Variants in NAALADL2 observed in about 807,000 individuals in gnomAD.
NAALADL2 encodes N-acetylated alpha-linked acidic dipeptidase like 2.
A neutral mutation model predicts 87.2 loss-of-function variants in NAALADL2; 76 were observed. The observed-to-expected ratio is 0.87, with a 90% CI of 0.72 to 1.05. The LOEUF is 1.05. Among genes scored for constraint, NAALADL2 ranks in the 50% least tolerant of loss-of-function variants. NAALADL2 has a pLI of 0.00. For missense variants in NAALADL2, 1,089 were observed against 945.8 expected, an observed-to-expected ratio of 1.15 and a Z score of -1.99; for synonymous variants, 354 against 331.0, an observed-to-expected ratio of 1.07 and a Z score of -0.75.
chr3:175,046,253 G>C (rs557932370), intron 1 of NAALADL2, among the ~76,000 whole-genome samples: 1 of 152,246 alleles, frequency 6.6e-6, no homozygotes, highest in East Asian at 1.9e-4. Flanking sequence ...TTCGGAATTA[G>C]TGGGCTTTGG....
At chr3:175,353,220 A>G (rs1231798237) in intron 5 of NAALADL2, among the ~76,000 whole-genome samples, 1 of 151,780 alleles carries the variant, frequency 6.6e-6, no homozygotes, top group Non-Finnish European at 1.5e-5. Flanking sequence ...TTAGAATATC[A>G]GTATTGTTGA....
intron 2 of NAALADL2, among the ~76,000 whole-genome samples, chr3:174,625,043 ATCTC>A (rs1181249470): frequency 5.3e-5 from 6 of 113,092 alleles, no homozygotes; most frequent in Non-Finnish European, 9.8e-5. Flanking sequence ...ATTTATTGCT[ATCTC>A]TCTCTCTCTC....
chr3:175,561,005 G>T (rs192940416), intron 9 of NAALADL2, among the ~76,000 whole-genome samples: 3 of 152,156 alleles, frequency 2.0e-5, no homozygotes, highest in Non-Finnish European at 2.9e-5. Flanking sequence ...TACCTTATAC[G>T]ATTTGAATAA....
chr3:174,733,060 CT>C (rs1560180159), intron 2 of NAALADL2, among the ~76,000 whole-genome samples: 2 of 152,032 alleles, frequency 1.3e-5, no homozygotes, highest in South Asian at 4.2e-4. Flanking sequence ...GTTGAGTGGG[CT>C]TTTTATTTAT....
Position 175,170,415 on chromosome 3 carries a change from T to G in NAALADL2, c.546-63516T>G, listed in dbSNP as rs1347959823. On this transcript the variant is annotated intron_variant, in intron 2 of 13. Coordinates refer to ENST00000454872, the MANE Select transcript of NAALADL2 (RefSeq NM_207015.3). ...AAAATGGAGCAATAGGGTATGCCAT[T>G]TAAATGGAGTTAAAATTTATATATA... Among the ~76,000 whole-genome samples the G allele has an allele frequency of 7.5e-5, 11 of 147,310 alleles. No individual in the cohort carries two copies. In the East Asian group the frequency reaches 2.0e-3, roughly 26 times the overall value.
chr3:174,683,210 A>G (rs994215192), intron 2 of NAALADL2, among the ~76,000 whole-genome samples: 1 of 152,212 alleles, frequency 6.6e-6, no homozygotes, highest in Non-Finnish European at 1.5e-5. Context: ...ACAAAGTCAG[A>G]GGAGACAAAA....
At chr3:174,919,133 G>A (rs768309246) in intron 1 of NAALADL2, among the ~76,000 whole-genome samples, 12 of 152,040 alleles carry the variant, frequency 7.9e-5, no homozygotes, top group Admixed American at 1.3e-4. Context: ...TTTTGCAGAT[G>A]GGGGATCTGG....
intron 1 of NAALADL2, among the ~76,000 whole-genome samples, chr3:175,047,027 G>A (rs1357980616): frequency 6.6e-6 from 1 of 152,110 alleles, no homozygotes; most frequent in Non-Finnish European, 1.5e-5. Context: ...TTCTTACTGT[G>A]TCCTCAGATG....
chr3:175,653,579 C>T (rs540803749), intron 11 of NAALADL2, among the ~76,000 whole-genome samples: 15 of 152,304 alleles, frequency 9.8e-5, no homozygotes. Flanking sequence ...GCCCCCACCA[C>T]CTTTTCGTTT....
chr3:175,335,710 GA>G (rs1761904405), intron 5 of NAALADL2, among the ~76,000 whole-genome samples: 1 of 152,128 alleles, frequency 6.6e-6, no homozygotes, highest in African/African-American at 2.4e-5. Context: ...TTTCATTTGA[GA>G]GATGTGTCTT....
intron 11 of NAALADL2, among the ~76,000 whole-genome samples, chr3:175,731,596 T>C (rs1185203362): frequency 1.3e-5 from 2 of 152,192 alleles, no homozygotes; most frequent in African/African-American, 4.8e-5. Context: ...GAATATGCAG[T>C]GTGGCTCATC....
intron 9 of NAALADL2, among the ~76,000 whole-genome samples, chr3:175,538,382 T>TA (rs905071127): frequency 3.3e-4 from 48 of 145,054 alleles, no homozygotes; most frequent in East Asian, 1.2e-3. Flanking sequence ...TTTAGAAAGT[T>TA]AAAAAAAAAA....
At position 175,108,476 on chromosome 3, in the gene NAALADL2, G is replaced by A. The variant is rs532781278; in HGVS notation, c.545+11185G>A. On this transcript the variant is annotated intron_variant, in intron 2 of 13. Coordinates refer to ENST00000454872, the MANE Select transcript of NAALADL2 (RefSeq NM_207015.3). Reference sequence around the variant, plus strand: ...GTATCTGTGAGAATAAAATGAAACTGATCATTTTTCTTTGAACAGAAATGT... The same window carrying A: ...GTATCTGTGAGAATAAAATGAAACTAATCATTTTTCTTTGAACAGAAATGT... Among the ~76,000 whole-genome samples the A allele has an allele frequency of 2.6e-5, 4 of 152,058 alleles. No homozygotes were observed. In the East Asian group the frequency reaches 7.7e-4, roughly 29 times the overall value.
intron 11 of NAALADL2, among the ~76,000 whole-genome samples, chr3:175,727,382 T>G (rs932896472): frequency 6.6e-6 from 1 of 152,216 alleles, no homozygotes; most frequent in Non-Finnish European, 1.5e-5. Context: ...CAGGTCTTTA[T>G]GTTCACACGT....
At chr3:175,252,461 C>T (rs1008802840) in intron 3 of NAALADL2, among the ~76,000 whole-genome samples, 5 of 152,062 alleles carry the variant, frequency 3.3e-5, no homozygotes, top group Admixed American at 3.3e-4. Context: ...ACTGCTGTAC[C>T]CACCAGCCAT....
chr3:175,434,742 A>G lies in NAALADL2; in HGVS notation c.1091-12487A>G, dbSNP rs774891837. Among the ~76,000 whole-genome samples, 6 of 152,064 alleles carry G rather than the reference A, an allele frequency of 3.9e-5. No individual in the cohort carries two copies. In the East Asian group the frequency reaches 1.2e-3, roughly 29 times the overall value. Reference sequence around the variant, plus strand: ...AATTTTGCAAATCATTCCAATGTTTATACCCTTCAAGTAAGAGATGGAAAG... The same window carrying G: ...AATTTTGCAAATCATTCCAATGTTTGTACCCTTCAAGTAAGAGATGGAAAG... On this transcript the variant is annotated intron_variant, in intron 5 of 13. Coordinates refer to ENST00000454872, the MANE Select transcript of NAALADL2 (RefSeq NM_207015.3).
chr3:174,796,076 G>C (rs1174234723), intron 3 of NAALADL2, among the ~76,000 whole-genome samples: 1 of 152,154 alleles, frequency 6.6e-6, no homozygotes, highest in Non-Finnish European at 1.5e-5. Flanking sequence ...ATAGACCCTA[G>C]TCTAATATGA....
At position 175,627,295 on chromosome 3, in the gene NAALADL2, C is replaced by G. The variant is rs368869785; in HGVS notation, c.1805C>G (p.Pro602Arg). 2.6e-6 allele frequency: 4 copies of G among 1,561,090 alleles called. No individual in the cohort carries two copies. The highest frequency in any genetic ancestry group is 1.9e-5 in the Admixed American group (1 of 52,988). ...AYEDIKTLEG[P>R]SFLSEARFST... ...TTCTTTTTTGATTTGCCGCAGGGTCCAAGTTTTCTCTCCGAGGCCCGTTTT... is the reference window on the plus strand; with the variant it reads ...TTCTTTTTTGATTTGCCGCAGGGTCGAAGTTTTCTCTCCGAGGCCCGTTTT... The change falls in exon 11 of 14, where the codon CCA (proline) becomes CGA (arginine). Residue 602 changes from proline (P) to arginine (R), a missense_variant. Coordinates refer to ENST00000454872, the MANE Select transcript of NAALADL2 (RefSeq NM_207015.3).
chr3:175,744,246 C>A (rs1447270124), intron 12 of NAALADL2, among the ~76,000 whole-genome samples: 1 of 152,206 alleles, frequency 6.6e-6, no homozygotes, highest in African/African-American at 2.4e-5. Flanking sequence ...GAGATTTTCA[C>A]TCCAAGCCAG....
Sources: gnomAD v4.1 joint callset for allele counts (sites outside exome capture counted in the v4.1 genomes callset) on GRCh38, gnomAD v4.1.1 for gene constraint, MANE v1.5 for transcripts, NCBI Gene and HGNC (gene_info 2026-07-23, HGNC 2026-07-21) for gene names.